The following TANC1 variants were observed in gnomAD, a reference collection of about 807,000 sequenced individuals.
TANC1 encodes tetratricopeptide repeat, ankyrin repeat and coiled-coil containing 1.
A neutral mutation model predicts 149.7 loss-of-function variants in TANC1; 77 were observed. The observed-to-expected ratio is 0.51, with a 90% confidence interval of 0.43 to 0.62. The LOEUF is 0.62. Among genes scored for constraint, TANC1 ranks in the 20% least tolerant of loss-of-function variants. TANC1 has a pLI of 0.00. For synonymous variants in TANC1, 854 were observed against 925.0 expected, an observed-to-expected ratio of 0.92 and a Z score of 1.39; for missense variants, 1,985 against 2,321.8, an observed-to-expected ratio of 0.85 and a Z score of 2.98.
intron 20 of TANC1, among the ~76,000 whole-genome samples, chr2:159,218,089 G>GT (rs58545953): frequency 3.3e-5 from 5 of 151,774 alleles, no homozygotes; most frequent in African/African-American, 1.2e-4. Flanking sequence ...GTTTTGTTTT[G>GT]TTTTTTTACT....
chr2:159,099,844 G>A (rs950115596), intron 4 of TANC1, among the ~76,000 whole-genome samples: 21 of 152,102 alleles, frequency 1.4e-4, no homozygotes, highest in African/African-American at 4.8e-4. Context: ...TCCCCATGCG[G>A]TATTTGGAGT....
intron 21 of TANC1, 134 bp downstream of exon 21, chr2:159,219,495 T>C (rs2059554170): frequency 2.2e-6 from 3 of 1,365,266 alleles, no homozygotes; most frequent in African/African-American, 1.4e-5. Flanking sequence ...GTAGAGAGAA[T>C]AGGCAACACA....
At chr2:159,224,599 G>T (rs187038084) in intron 23 of TANC1, 278 of 487,924 alleles carry the variant, frequency 5.7e-4, no homozygotes, top group African/African-American at 4.9e-3. Context: ...GTCTGGAGTG[G>T]TATCAGTGGC....
chr2:159,164,409 G>A (rs2054367883), intron 8 of TANC1, among the ~76,000 whole-genome samples: 1 of 152,168 alleles, frequency 6.6e-6, no homozygotes. Context: ...CCATTTTATA[G>A]TAGGAACTTG....
chr2:159,227,803 G>C lies in TANC1; in HGVS notation c.3904-16G>C, dbSNP rs1440508477. Reference sequence around the variant, plus strand: ...CCTCTGAAAAAGGACAAATGTTTGTGATTTTTGAATCCTAGAAAGGGAAAA... The same window carrying C: ...CCTCTGAAAAAGGACAAATGTTTGTCATTTTTGAATCCTAGAAAGGGAAAA... On this transcript the variant is annotated splice_polypyrimidine_tract_variant and intron_variant, in intron 24 of 26. Coordinates refer to ENST00000263635, the MANE Select transcript of TANC1 (RefSeq NM_033394.3). 1.2e-6 allele frequency: 2 copies of C among 1,612,942 alleles called. No individual in the cohort carries two copies. The highest frequency in any genetic ancestry group is 2.2e-5 in the East Asian group (1 of 44,868).
Position 159,170,624 on chromosome 2 carries a change from G to A in TANC1, c.1170G>A (p.Trp390Ter). ...ACTCTGTGTTTGTGGGAAGGGATTG[G>A]CTCTTTCACCAGATAGAAGAAAACT... ...TTDSVFVGRD[W>*]LFHQIEENLR... Residue 390 changes from tryptophan to a stop codon, truncating the protein, a stop_gained, in exon 10 of 27, where the codon TGG becomes TGA. Coordinates refer to ENST00000263635, the MANE Select transcript of TANC1 (RefSeq NM_033394.3). LOFTEE classifies it high-confidence loss of function. The A allele has an allele frequency of 1.9e-6, 3 of 1,614,150 alleles. No individual in the cohort carries two copies. The highest frequency in any genetic ancestry group is 2.5e-6 in the Non-Finnish European group (3 of 1,180,032).
At chr2:159,064,486 T>C (rs1163437032) in intron 2 of TANC1, among the ~76,000 whole-genome samples, 2 of 152,204 alleles carry the variant, frequency 1.3e-5, no homozygotes, top group African/African-American at 4.8e-5. Context: ...AAAGCTTTCA[T>C]TGATCTGTGA....
chr2:158,986,221 TA>T (rs1375734404), intron 1 of TANC1, among the ~76,000 whole-genome samples: 2 of 148,226 alleles, frequency 1.3e-5, no homozygotes, highest in African/African-American at 5.3e-5. Flanking sequence ...GCACATGGTG[TA>T]TGATTTTTGG....
At chr2:159,118,645 C>T (rs2048541256) in intron 4 of TANC1, among the ~76,000 whole-genome samples, 1 of 152,132 alleles carries the variant, frequency 6.6e-6, no homozygotes, top group Non-Finnish European at 1.5e-5. Flanking sequence ...ATGTGTGTTA[C>T]CTGAAACCTT....
chr2:159,230,037 C>T lies in TANC1; in HGVS notation c.4611C>T (p.Ser1537=). 1 of 1,614,090 alleles carries T rather than the reference C, an allele frequency of 6.2e-7. No individual in the cohort carries two copies. Among genetic ancestry groups the T allele is most frequent in the Non-Finnish European group, 8.5e-7 (1 of 1,180,048 alleles). ...PSKQAQIVKT[S]QHLGSGQSAV... is the part of the protein sequence containing the mutation. The stretch of plus-strand genomic sequence containing the variant: ...AGCAGGCCCAGATCGTGAAAACCAG[C>T]CAGCACCTGGGCTCTGGCCAGTCGG... Residue 1537 remains serine (S), a synonymous_variant, in exon 27 of 27, where the codon AGC becomes AGT. Coordinates refer to ENST00000263635, the MANE Select transcript of TANC1 (RefSeq NM_033394.3). The surrounding 1 kb of genome is among the most constrained non-coding windows in gnomAD (Gnocchi z 4.4).
At chr2:159,007,035 A>C (rs2037257515) in intron 2 of TANC1, among the ~76,000 whole-genome samples, 1 of 152,152 alleles carries the variant, frequency 6.6e-6, no homozygotes, top group African/African-American at 2.4e-5. Flanking sequence ...GTCATGCACC[A>C]TATAAGGTTT....
intron 22 of TANC1, 90 bp from the exon 23 acceptor site, chr2:159,224,120 TAGGCAGAGGCATCTAAAATCAG>T: frequency 8.1e-7 from 1 of 1,240,246 alleles, no homozygotes; most frequent in South Asian, 1.4e-5. Flanking sequence ...GGATCCTTAA[TAGGCAGAGGCATCTAAAATCAG>T]AGTGAAGCTA....
At chr2:159,072,770 T>TA (rs559919281) in intron 3 of TANC1, among the ~76,000 whole-genome samples, 3,477 of 144,814 alleles carry the variant, frequency 0.024, 58 homozygotes, top group Non-Finnish European at 0.034. Flanking sequence ...GTATAATAAT[T>TA]AAAAAAAAAA....
intron 17 of TANC1, among the ~76,000 whole-genome samples, chr2:159,195,202 C>T (rs146185034): frequency 0.01 from 1,561 of 152,294 alleles, 14 homozygotes; most frequent in Middle Eastern, 0.017. Context: ...CTCACTGCAA[C>T]CTCCACCTCC....
intron 25 of TANC1, 190 bp downstream of exon 25, chr2:159,228,155 T>G: frequency 3.2e-6 from 2 of 619,258 alleles, no homozygotes; most frequent in Non-Finnish European, 5.5e-6. Flanking sequence ...GCTACGCTCC[T>G]CGCATGATGT....
chr2:159,121,585 C>T (rs566548850), intron 4 of TANC1, among the ~76,000 whole-genome samples: 4 of 152,320 alleles, frequency 2.6e-5, no homozygotes, highest in Admixed American at 2.6e-4. Context: ...CTGCCTTGGC[C>T]TCCCAAAGTG....
At chr2:159,217,405 C>A in intron 19 of TANC1, 92 bp from the exon 20 acceptor site, 1 of 1,534,804 alleles carries the variant, frequency 6.5e-7, no homozygotes, top group Non-Finnish European at 8.9e-7. Flanking sequence ...TAGACCCCAT[C>A]TCCCACTGGG....
chr2:159,163,975 C>A (rs964231579), intron 8 of TANC1, among the ~76,000 whole-genome samples: 1 of 152,142 alleles, frequency 6.6e-6, no homozygotes, highest in Non-Finnish European at 1.5e-5. Flanking sequence ...ATTGTACAGG[C>A]AAGAGGGCCG....
intron 19 of TANC1, among the ~76,000 whole-genome samples, chr2:159,200,469 C>T (rs534342898): frequency 9.8e-5 from 15 of 152,318 alleles, no homozygotes; most frequent in Admixed American, 9.8e-4. Context: ...TGACATCACA[C>T]ATTTAGCTCA....
Sources: allele counts gnomAD v4.1 joint callset (sites outside exome capture counted in the v4.1 genomes callset), GRCh38; gene constraint gnomAD v4.1.1; non-coding constraint Gnocchi (gnomAD v3.1); transcripts MANE v1.5; gene names NCBI Gene and HGNC (gene_info 2026-07-23, HGNC 2026-07-21).